The following DISC1 variants were observed in gnomAD, a reference collection of about 807,000 sequenced individuals.
DISC1 encodes disrupted in schizophrenia 1 protein.
DISC1 carries 57 observed loss-of-function variants against 84.5 expected under a neutral mutation model. The ratio of observed to expected loss-of-function variants is 0.67; its 90% CI spans 0.55 to 0.84. The LOEUF (loss-of-function observed/expected upper bound fraction) is 0.84. DISC1 is among the 40% of genes least tolerant of loss of function. DISC1 has a pLI of 0.00. For missense variants in DISC1, 1,000 were observed against 1,057.8 expected, an observed-to-expected ratio of 0.95 and a Z score of 0.76; for synonymous variants, 411 against 415.2, an observed-to-expected ratio of 0.99 and a Z score of 0.12.
intron 3 of DISC1, among the ~76,000 whole-genome samples, chr1:231,708,995 C>T (rs1374458285): frequency 6.6e-6 from 1 of 152,214 alleles, no homozygotes; most frequent in Non-Finnish European, 1.5e-5. Flanking sequence ...TCTGCTTCCT[C>T]TTACTTTAAG....
intron 1 of DISC1, among the ~76,000 whole-genome samples, chr1:231,643,710 G>A (rs556070046): frequency 6.6e-6 from 1 of 152,330 alleles, no homozygotes; most frequent in South Asian, 2.1e-4. Context: ...TGTAAGATAG[G>A]AAGTAATAAT....
At chr1:232,006,870 G>A (rs1404491780) in intron 10 of DISC1, among the ~76,000 whole-genome samples, 2 of 152,154 alleles carry the variant, frequency 1.3e-5, no homozygotes, top group Non-Finnish European at 2.9e-5. Flanking sequence ...GGAAAATATG[G>A]TTTTGTAGGC....
At chr1:231,754,194 G>A in intron 4 of DISC1, among the ~76,000 whole-genome samples, 1 of 152,074 alleles carries the variant, frequency 6.6e-6, no homozygotes, top group African/African-American at 2.4e-5. Context: ...TTACTTTATA[G>A]CAATGCCCCA....
intron 3 of DISC1, among the ~76,000 whole-genome samples, chr1:231,715,898 G>T (rs1391829954): frequency 6.6e-6 from 1 of 152,180 alleles, no homozygotes; most frequent in African/African-American, 2.4e-5. Context: ...AGCTCAGCCG[G>T]GAATGGAGGG....
intron 9 of DISC1, among the ~76,000 whole-genome samples, chr1:231,840,922 A>T (rs972542596): frequency 6.6e-6 from 1 of 152,158 alleles, no homozygotes; most frequent in African/African-American, 2.4e-5. Flanking sequence ...TTTTTAAAAA[A>T]TTTTAAAAAC....
intron 9 of DISC1, among the ~76,000 whole-genome samples, chr1:231,841,836 A>G (rs776734333): frequency 1.3e-5 from 2 of 152,226 alleles, no homozygotes; most frequent in Admixed American, 1.3e-4. Context: ...AACCTCAGAC[A>G]AGAGGGCAAG....
chr1:231,748,933 G>T (rs1341897503), intron 3 of DISC1, among the ~76,000 whole-genome samples: 1 of 152,194 alleles, frequency 6.6e-6, no homozygotes, highest in East Asian at 1.9e-4. Context: ...TGGACTCAGG[G>T]CTTGCAAGAA....
chr1:231,959,271 T>G (rs1461816293), intron 10 of DISC1: 2 of 989,308 alleles, frequency 2.0e-6, no homozygotes, highest in African/African-American at 3.5e-5. Flanking sequence ...TTTGGAATAA[T>G]ATAGAAATGC....
chr1:231,847,861 T>C (rs1039594087), intron 9 of DISC1, among the ~76,000 whole-genome samples: 33 of 152,270 alleles, frequency 2.2e-4, no homozygotes, highest in Admixed American at 3.3e-4. Context: ...CTCATTTATC[T>C]TGTCACCAAT....
chr1:231,845,967 G>T (rs1456334997), intron 9 of DISC1, among the ~76,000 whole-genome samples: 1 of 152,154 alleles, frequency 6.6e-6, no homozygotes, highest in Non-Finnish European at 1.5e-5. Flanking sequence ...TGGGGAGGAG[G>T]TGGAGGTCCA....
intron 3 of DISC1, among the ~76,000 whole-genome samples, chr1:231,715,591 A>G (rs1325046836): frequency 2.6e-5 from 4 of 152,166 alleles, no homozygotes; most frequent in African/African-American, 9.7e-5. Context: ...ATAGGTTATC[A>G]CATATATATA....
At chr1:231,712,930 G>T (rs1388433591) in intron 3 of DISC1, among the ~76,000 whole-genome samples, 1 of 152,166 alleles carries the variant, frequency 6.6e-6, no homozygotes, top group Non-Finnish European at 1.5e-5. Context: ...AAAGCACCAT[G>T]TATACAGGAA....
chr1:231,794,927 A>G (rs1043512664), intron 6 of DISC1, among the ~76,000 whole-genome samples: 3 of 152,126 alleles, frequency 2.0e-5, no homozygotes, highest in African/African-American at 7.2e-5. Context: ...GAAGGTTGTT[A>G]TAGGAATGCA....
chr1:231,959,246 GC>G, intron 10 of DISC1: 1 of 1,003,042 alleles, frequency 1.0e-6, no homozygotes, highest in Non-Finnish European at 1.2e-6. Context: ...GGATTTTAAG[GC>G]GGTTTATACA....
intron 3 of DISC1, among the ~76,000 whole-genome samples, chr1:231,743,530 CAAAGTTTTGATTTTGTAGAACAAGAAAT>C (rs1277768792): frequency 2.0e-5 from 3 of 152,118 alleles, no homozygotes; most frequent in Non-Finnish European, 2.9e-5. Flanking sequence ...TGCGTTTCAC[CAAAGTTTTGATTTTGTAGAACAAGAAAT>C]AAAGTATTAA....
chr1:231,858,898 G>A (rs141518198), intron 9 of DISC1, among the ~76,000 whole-genome samples: 10 of 152,332 alleles, frequency 6.6e-5, no homozygotes, highest in Middle Eastern at 3.4e-3. Context: ...GGTCACCCTT[G>A]TGAAAGCTAT....
chr1:231,895,053 A>G (rs931568781), intron 9 of DISC1, among the ~76,000 whole-genome samples: 1 of 150,680 alleles, frequency 6.6e-6, no homozygotes, highest in African/African-American at 2.4e-5. Flanking sequence ...TAAATCTACT[A>G]TCTTGCTAGT....
At chr1:231,878,259 C>G (rs1046203766) in intron 9 of DISC1, among the ~76,000 whole-genome samples, 2 of 152,046 alleles carry the variant, frequency 1.3e-5, no homozygotes, top group African/African-American at 2.4e-5. Context: ...TAAATTGTGA[C>G]AAGTGACATG....
At chr1:231,771,761 C>G (rs2076565051) in intron 6 of DISC1, 1 of 189,108 alleles carries the variant, frequency 5.3e-6, no homozygotes, top group African/African-American at 2.4e-5. Flanking sequence ...TATTCTGTAT[C>G]ATGGAATGTC....
Sources: gnomAD v4.1 joint callset for allele counts (sites outside exome capture counted in the v4.1 genomes callset) on GRCh38, gnomAD v4.1.1 for gene constraint, MANE v1.5 for transcripts, NCBI Gene and HGNC (gene_info 2026-07-23, HGNC 2026-07-21) for gene names.